The following OPRK1 variants were observed in gnomAD, a reference collection of about 807,000 sequenced individuals.
OPRK1 encodes opioid receptor kappa 1.
Under a neutral mutation model 24.5 loss-of-function variants are expected in OPRK1, and 15 were observed. The observed-to-expected ratio is 0.61, with a 90% CI of 0.41 to 0.94. The LOEUF (loss-of-function observed/expected upper bound fraction) is 0.94. Among genes scored for constraint, OPRK1 ranks in the 40% least tolerant of loss-of-function variants. The probability of loss-of-function intolerance (pLI) is 0.00; values close to 1 mark genes in which losing one functional copy is unlikely to be tolerated. For missense variants in OPRK1, 479 were observed against 507.3 expected, an observed-to-expected ratio of 0.94 and a Z score of 0.54; for synonymous variants, 205 against 198.0, an observed-to-expected ratio of 1.04 and a Z score of -0.30.
At position 53,245,530 on chromosome 8, in the gene OPRK1, A is replaced by G. The variant is rs138150370; in HGVS notation, c.257+5251T>C. On this transcript the variant is annotated intron_variant, in intron 2 of 3. Transcript: ENST00000265572. ...GCCTCAGCAAACTAAGGGAGGCTCT[A>G]GAAACCTGAGGTGTCAGGGAGATCA... Among the ~76,000 whole-genome samples the G allele has an allele frequency of 5.2e-3, 791 of 152,328 alleles. 8 individuals carry two copies. Among genetic ancestry groups the G allele is most frequent in the African/African-American group, 0.018 (731 of 41,570 alleles).
intron 2 of OPRK1, among the ~76,000 whole-genome samples, chr8:53,241,578 G>A (rs1174203184): frequency 6.6e-6 from 1 of 152,100 alleles, no homozygotes; most frequent in African/African-American, 2.4e-5. Flanking sequence ...AGGAAAAATG[G>A]AAGGAAAGGA....
intron 2 of OPRK1, among the ~76,000 whole-genome samples, chr8:53,244,945 G>A (rs1301922140): frequency 1.3e-5 from 2 of 152,138 alleles, no homozygotes; most frequent in Non-Finnish European, 1.5e-5. Flanking sequence ...TCCAGTCCCT[G>A]ATATAAAATG....
At position 53,250,841 on chromosome 8, in the gene OPRK1, T is replaced by G; in HGVS notation, c.197A>C (p.Tyr66Ser). Residue 66 changes from tyrosine (Y) to serine (S), a missense_variant, in exon 2 of 4, where the codon TAC becomes TCC. By Grantham distance (144) the Tyr-to-Ser change is moderately radical. Transcript: ENST00000265572. ...PAIPVIITAVYSVVFVVGLVG... is the reference protein window; with the variant it reads ...PAIPVIITAVSSVVFVVGLVG... ...CAAGCCCACGACGAACACTACGGAG[T>G]AGACCGCCGTGATGATGACCGGGAT... The G allele has an allele frequency of 6.2e-7, 1 of 1,612,320 alleles. No individual in the cohort carries two copies. The highest frequency in any genetic ancestry group is 1.1e-5 in the South Asian group (1 of 90,938).
chr8:53,228,590 A>G lies in OPRK1; in HGVS notation c.*707T>C, dbSNP rs1806771791. 1 of 152,210 alleles carries G rather than the reference A, an allele frequency of 6.6e-6. No individual in the cohort carries two copies. Among genetic ancestry groups the G allele is most frequent in the South Asian group, 2.1e-4 (1 of 4,830 alleles). The allele number at this position is 152,210 out of a possible 1,614,324, so 9.4% of individuals were successfully genotyped here. A position where few individuals can be genotyped will look rare whatever the true frequency, so the allele number is the denominator to read the frequency against. ...GTTTCTTGACAATGGGACATGCTTT[A>G]TTATAAGACTGTTTACCTGAATAGC... On this transcript the variant is annotated 3_prime_UTR_variant, in exon 4 of 4. Transcript: ENST00000265572.
chr8:53,240,287 A>G (rs1362829618), intron 2 of OPRK1, among the ~76,000 whole-genome samples: 2 of 152,244 alleles, frequency 1.3e-5, no homozygotes, highest in African/African-American at 2.4e-5. Flanking sequence ...ATAAAAAAGA[A>G]AAAGGAAACA....
Position 53,251,450 on chromosome 8 carries a change from A to G in OPRK1, c.-51T>C, listed in dbSNP as rs1361200964. On this transcript the variant is annotated splice_region_variant and 5_prime_UTR_variant, in exon 1 of 4. Transcript: ENST00000265572. Reference sequence around the variant, plus strand: ...CACCTCGAAAGCCCAAAGCTTACCTATGGTTCCCAGAGACAGGCGAAGGCG... The same window carrying G: ...CACCTCGAAAGCCCAAAGCTTACCTGTGGTTCCCAGAGACAGGCGAAGGCG... 1.1e-5 allele frequency: 2 copies of G among 186,488 alleles called. No individual in the cohort carries two copies. The allele number at this position is 186,488 out of a possible 1,614,324, so 11.6% of individuals were successfully genotyped here.
Position 53,250,874 on chromosome 8 carries a change from G to A in OPRK1, c.164C>T (p.Ser55Phe). Residue 55 changes from serine to phenylalanine, a missense_variant, in exon 2 of 4, where the codon TCC (serine) becomes TTC (phenylalanine). Coordinates refer to ENST00000265572, the MANE Select transcript of OPRK1 (RefSeq NM_000912.5). ...CGTGATGATGACCGGGATGGCCGGG[G>A]AGATGTGCGCGGGCTCCAGCTGCGC... ...EDAQLEPAHI[S>F]PAIPVIITAV... 1 of 1,613,298 alleles carries A rather than the reference G, an allele frequency of 6.2e-7. No homozygotes were observed. Among genetic ancestry groups the A allele is most frequent in the Non-Finnish European group, 8.5e-7 (1 of 1,179,744 alleles).
intron 2 of OPRK1, among the ~76,000 whole-genome samples, chr8:53,237,056 G>C (rs770909277): frequency 2.6e-5 from 4 of 152,120 alleles, no homozygotes; most frequent in Admixed American, 1.3e-4. Context: ...ATCTCATAGA[G>C]TTCCAGGGGT....
chr8:53,232,699 G>A (rs1245006121), intron 3 of OPRK1, among the ~76,000 whole-genome samples: 1 of 152,320 alleles, frequency 6.6e-6, no homozygotes, highest in Non-Finnish European at 1.5e-5. Flanking sequence ...TCAGAGGGCT[G>A]TGGCTTCTGC....
In OPRK1 at chr8:53,234,786, C is replaced by T; in HGVS notation, c.583G>A (p.Val195Ile). The T allele has an allele frequency of 6.2e-7, 1 of 1,614,084 alleles. No individual in the cohort carries two copies. The highest frequency in any genetic ancestry group is 8.5e-7 in the Non-Finnish European group (1 of 1,179,940). Reference sequence around the variant, plus strand: ...TCCCTGACTTTGGTGCCTCCAAGGACTATTGCAGAGATGCCAACAGATGAC... The same window carrying T: ...TCCCTGACTTTGGTGCCTCCAAGGATTATTGCAGAGATGCCAACAGATGAC... ...LSSSVGISAI[V>I]LGGTKVREDV... The change falls in exon 3 of 4, where the codon GTC becomes ATC. Residue 195 changes from valine to isoleucine, a missense_variant. Transcript: ENST00000265572.
chr8:53,231,068 G>T (rs534298864), intron 3 of OPRK1, among the ~76,000 whole-genome samples: 1 of 152,010 alleles, frequency 6.6e-6, no homozygotes, highest in Non-Finnish European at 1.5e-5. Context: ...CTATCTTAGA[G>T]ACCTTCATGT....
At chr8:53,249,153 A>T (rs1397761928) in intron 2 of OPRK1, among the ~76,000 whole-genome samples, 1 of 151,624 alleles carries the variant, frequency 6.6e-6, no homozygotes, top group South Asian at 2.1e-4. Context: ...CAAACTGCAG[A>T]CTTCAGGGGC....
intron 1 of OPRK1, 134 bp from the exon 2 acceptor site, chr8:53,251,219 G>T: frequency 1.0e-6 from 1 of 991,060 alleles, no homozygotes; most frequent in Non-Finnish European, 1.4e-6. Flanking sequence ...AGGGAGAACG[G>T]ACTTCTCGCT....
chr8:53,247,680 A>G (rs998031652), intron 2 of OPRK1, among the ~76,000 whole-genome samples: 6 of 124 alleles, frequency 0.048, no homozygotes, highest in Non-Finnish European at 0.015. Context: ...CACAGGAGGA[A>G]GTCAGGAACC....
Position 53,251,060 on chromosome 8 carries a change from G to T in OPRK1, c.-23C>A. ...CATGGTGGGGCGATTGCAGCAGGAA[G>T]GCGAGGACAGGCGGCACCTGCGGCG... On this transcript the variant is annotated 5_prime_UTR_variant, in exon 2 of 4. Coordinates refer to ENST00000265572, the MANE Select transcript of OPRK1 (RefSeq NM_000912.5). 6.8e-7 allele frequency: 1 copy of T among 1,475,182 alleles called. No individual in the cohort carries two copies. Among genetic ancestry groups the T allele is most frequent in the Non-Finnish European group, 8.9e-7 (1 of 1,119,832 alleles). 91.4% of individuals were successfully genotyped at this position (1,475,182 alleles called of 1,614,324 possible).
rs1806765312 is a variant in OPRK1 at position 53,228,395 on chromosome 8, T to G, written c.*902A>C. On this transcript the variant is annotated 3_prime_UTR_variant, in exon 4 of 4. Transcript: ENST00000265572. ...AGTCTGAAAGAGATCATGCCATGAC[T>G]AATTCCCAGCAAAATGTCTCAGCAT... 6.6e-6 allele frequency: 1 copy of G among 152,218 alleles called. No homozygotes were observed. 9.4% of individuals were successfully genotyped at this position (152,218 alleles called of 1,614,324 possible).
rs180956087 is a variant in OPRK1, at chr8:53,249,516, A to G, written c.257+1265T>C. ...GGCAATTATGAAAACCAAGGGCACC[A>G]AGCTATAAACACTAGTTGTTGATGA... On this transcript the variant is annotated intron_variant, in intron 2 of 3. Transcript: ENST00000265572. Among the ~76,000 whole-genome samples, 792 of 152,362 alleles carry G rather than the reference A, an allele frequency of 5.2e-3. 8 individuals carry two copies. Among genetic ancestry groups the G allele is most frequent in the African/African-American group, 0.018 (732 of 41,580 alleles).
chr8:53,248,732 C>T (rs1215271463), intron 2 of OPRK1, among the ~76,000 whole-genome samples: 1 of 152,198 alleles, frequency 6.6e-6, no homozygotes, highest in African/African-American at 2.4e-5. Flanking sequence ...TAACCTTTTA[C>T]TTGTGAAGAC....
intron 2 of OPRK1, among the ~76,000 whole-genome samples, chr8:53,245,652 A>G (rs1380512618): frequency 1.3e-5 from 2 of 152,216 alleles, no homozygotes; most frequent in African/African-American, 4.8e-5. Flanking sequence ...AGGATTTGTC[A>G]GAATGTACCT....
Sources: gnomAD v4.1 joint callset for allele counts (sites outside exome capture counted in the v4.1 genomes callset) on GRCh38, gnomAD v4.1.1 for gene constraint, MANE v1.5 for transcripts, NCBI Gene and HGNC (gene_info 2026-07-23, HGNC 2026-07-21) for gene names.